EFNB2: variants seen among roughly 807,000 people sequenced by gnomAD.
The protein encoded by EFNB2 is ephrin-B2.
Under a neutral mutation model 32.1 loss-of-function variants are expected in EFNB2, and 5 were observed. The ratio of observed to expected loss-of-function variants is 0.16; its 90% CI spans 0.08 to 0.33. EFNB2 has a LOEUF of 0.33. Among genes scored for constraint, EFNB2 ranks in the 10% least tolerant of loss-of-function variants. The pLI is 1.00. For synonymous variants in EFNB2, 168 were observed against 166.5 expected, an observed-to-expected ratio of 1.01 and a Z score of -0.07; for missense variants, 263 against 422.6, an observed-to-expected ratio of 0.62 and a Z score of 3.31.
At chr13:106,534,710 G>A in intron 1 of EFNB2, 133 bp downstream of exon 1, 1 of 1,052,048 alleles carries the variant, frequency 9.5e-7, no homozygotes. Flanking sequence ...TGGGGCGGGG[G>A]TTGGGGGTGG....
intron 1 of EFNB2, among the ~76,000 whole-genome samples, chr13:106,515,817 C>T (rs1376998077): frequency 2.6e-5 from 4 of 152,118 alleles, no homozygotes; most frequent in Non-Finnish European, 5.9e-5. Context: ...CTCTGCCTCC[C>T]GGGAACTCTC....
At chr13:106,533,194 C>A (rs1223674880) in intron 1 of EFNB2, among the ~76,000 whole-genome samples, 4 of 151,334 alleles carry the variant, frequency 2.6e-5, no homozygotes, top group Non-Finnish European at 5.9e-5. Flanking sequence ...CCTGGCGCTG[C>A]GCGATTCCGC....
intron 1 of EFNB2, chr13:106,519,856 T>G (rs1879441589): frequency 6.6e-6 from 1 of 152,244 alleles, no homozygotes; most frequent in Non-Finnish European, 1.5e-5. Flanking sequence ...CTATCTTTCA[T>G]AATTGACTTT....
Position 106,493,481 on chromosome 13 carries a change from A to T in EFNB2, c.614-53T>A, listed in dbSNP as rs3742160. 439,900 of 1,548,130 alleles carry T rather than the reference A, an allele frequency of 0.28. 65,184 individuals are homozygous for T. The highest frequency in any genetic ancestry group is 0.44 in the East Asian group (19,376 of 44,182). ...GAGATAGTTACTGCTGTCCCAGTGC[A>T]GACGGACTGCTTTTATGACCCTTAA... is the stretch of plus-strand genomic sequence containing the variant. On this transcript the variant is annotated intron_variant, in intron 4 of 4. Coordinates refer to ENST00000646441, the MANE Select transcript of EFNB2 (RefSeq NM_004093.4). This position sits in a 1 kb window ranked among gnomAD's most constrained non-coding sequence, Gnocchi z 6.1.
intron 1 of EFNB2, among the ~76,000 whole-genome samples, chr13:106,533,179 C>T (rs1272522834): frequency 9.3e-5 from 14 of 150,728 alleles, no homozygotes; most frequent in Non-Finnish European, 1.9e-4. Flanking sequence ...GGGGGAGGGG[C>T]GAGGCCTGGC....
At chr13:106,501,634 C>A (rs1036410430) in intron 2 of EFNB2, among the ~76,000 whole-genome samples, 1 of 151,600 alleles carries the variant, frequency 6.6e-6, no homozygotes, top group Admixed American at 6.6e-5. Context: ...GCTCTGTCAC[C>A]CAGGCTGGAG....
chr13:106,511,970 C>T (rs1594169440), intron 2 of EFNB2, among the ~76,000 whole-genome samples: 1 of 152,156 alleles, frequency 6.6e-6, no homozygotes, highest in Non-Finnish European at 1.5e-5. Context: ...AACCAAGTTT[C>T]GTCTTTTTCT....
intron 2 of EFNB2, among the ~76,000 whole-genome samples, chr13:106,496,552 C>T (rs1878597912): frequency 6.6e-6 from 1 of 152,246 alleles, no homozygotes; most frequent in South Asian, 2.1e-4. Context: ...CACATGCCCA[C>T]CACTCATTCT....
chr13:106,513,267 A>G (rs1261238418), intron 1 of EFNB2, among the ~76,000 whole-genome samples: 3 of 152,208 alleles, frequency 2.0e-5, no homozygotes, highest in Admixed American at 6.5e-5. Context: ...TTGTCCTGTT[A>G]GTTTCCCTGT....
At position 106,535,068 on chromosome 13, in the gene EFNB2, G is replaced by A. The variant is rs971627462; in HGVS notation, c.-104C>T. 1.3e-6 allele frequency: 2 copies of A among 1,493,156 alleles called. No homozygotes were observed. The highest frequency in any genetic ancestry group is 1.8e-6 in the Non-Finnish European group (2 of 1,118,518). 92.5% of individuals were successfully genotyped at this position (1,493,156 alleles called of 1,614,324 possible). A position where few individuals can be genotyped will look rare whatever the true frequency, so the allele number is the denominator to read the frequency against. ...GGGGCAGACTGGCGGGGAAGACGGC[G>A]TGCGCCCGCAGGCAGCTCCGAGGCG... On this transcript the variant is annotated 5_prime_UTR_variant, in exon 1 of 5. It adds an upstream start codon to the 5' untranslated region. Transcript: ENST00000646441.
intron 1 of EFNB2, among the ~76,000 whole-genome samples, chr13:106,533,238 CA>C (rs1879941761): frequency 2.7e-5 from 4 of 150,684 alleles, no homozygotes; most frequent in Admixed American, 6.6e-5. Context: ...ACCGGGCGGG[CA>C]GCGGCGCCGC....
intron 2 of EFNB2, among the ~76,000 whole-genome samples, chr13:106,510,565 C>T (rs1293595029): frequency 6.6e-6 from 1 of 151,558 alleles, no homozygotes; most frequent in Non-Finnish European, 1.5e-5. Flanking sequence ...TAGGGCATCT[C>T]ATCTCTAGTG....
intron 1 of EFNB2, among the ~76,000 whole-genome samples, chr13:106,515,245 T>A (rs549248210): frequency 1.3e-5 from 2 of 152,254 alleles, no homozygotes; most frequent in East Asian, 3.9e-4. Context: ...AAGGCGTAAG[T>A]CATATAAATC....
intron 2 of EFNB2, among the ~76,000 whole-genome samples, chr13:106,498,715 G>A (rs974912618): frequency 6.6e-6 from 1 of 152,176 alleles, no homozygotes; most frequent in African/African-American, 2.4e-5. Context: ...TAGAGTTGAA[G>A]AAGGAAAAAT....
At chr13:106,527,626 T>C (rs8000078) in intron 1 of EFNB2, among the ~76,000 whole-genome samples, 1 of 152,144 alleles carries the variant, frequency 6.6e-6, no homozygotes, top group Non-Finnish European at 1.5e-5. Context: ...GAAAATATGT[T>C]AATAATCTAG....
rs1006471343 is a variant in EFNB2, at chr13:106,494,756, T to C, written c.613+125A>G. 3.5e-5 allele frequency: 25 copies of C among 705,728 alleles called. 1 individual carries two copies. The highest frequency in any genetic ancestry group is 7.2e-5 in the South Asian group (4 of 55,928). The allele number at this position is 705,728 out of a possible 1,614,324, so 43.7% of individuals were successfully genotyped here. The stretch of plus-strand genomic sequence containing the variant: ...ATGACTCACTGACAGCAAAGATTCC[T>C]GATCACTGTAACTTCCAGCTAATCC... On this transcript the variant is annotated intron_variant, in intron 4 of 4. Transcript: ENST00000646441.
At chr13:106,505,937 A>G (rs1354140599) in intron 2 of EFNB2, 2 of 152,248 alleles carry the variant, frequency 1.3e-5, no homozygotes, top group Admixed American at 1.3e-4. Context: ...TTCTTCTTAC[A>G]CACAGAGCCA....
intron 2 of EFNB2, among the ~76,000 whole-genome samples, chr13:106,509,534 G>T (rs867997903): frequency 1.3e-5 from 2 of 151,854 alleles, no homozygotes; most frequent in East Asian, 3.9e-4. Context: ...AATACTTTCC[G>T]TCATGCTACC....
intron 1 of EFNB2, among the ~76,000 whole-genome samples, chr13:106,533,246 C>T (rs1695828126): frequency 2.7e-5 from 4 of 150,888 alleles, no homozygotes; most frequent in Admixed American, 6.6e-5. Context: ...GGCAGCGGCG[C>T]CGCGGGCTCC....
Sources: allele counts gnomAD v4.1 joint callset (sites outside exome capture counted in the v4.1 genomes callset), GRCh38; gene constraint gnomAD v4.1.1; non-coding constraint Gnocchi (gnomAD v3.1); transcripts MANE v1.5; gene names NCBI Gene and HGNC (gene_info 2026-07-23, HGNC 2026-07-21).